Variants in SH3GL2 observed in about 807,000 individuals in gnomAD.
SH3GL2 encodes SH3 domain containing GRB2 like 2, endophilin A1, also known as endophilin-A1.
Under a neutral mutation model 46.0 loss-of-function variants are expected in SH3GL2, and 24 were observed. The observed-to-expected ratio is 0.52, with a 90% confidence interval of 0.38 to 0.73. The LOEUF (loss-of-function observed/expected upper bound fraction) is 0.73, where lower values mean the gene tolerates loss of function less well. SH3GL2 is among the 30% of genes least tolerant of loss of function. SH3GL2 has a pLI of 0.00. For missense variants in SH3GL2, 413 were observed against 424.2 expected, an observed-to-expected ratio of 0.97 and a Z score of 0.23; for synonymous variants, 196 against 147.1, an observed-to-expected ratio of 1.33 and a Z score of -2.40.
intron 1 of SH3GL2, among the ~76,000 whole-genome samples, chr9:17,722,680 A>C (rs891947609): frequency 2.0e-5 from 3 of 152,076 alleles, no homozygotes; most frequent in Non-Finnish European, 4.4e-5. Context: ...CTATTTACCA[A>C]ATAGCTCATC....
At chr9:17,585,243 T>G (rs1423110568) in intron 1 of SH3GL2, among the ~76,000 whole-genome samples, 1 of 151,960 alleles carries the variant, frequency 6.6e-6, no homozygotes, top group Non-Finnish European at 1.5e-5. Flanking sequence ...ATAATGAGAA[T>G]TAGGTGAGGA....
At chr9:17,720,732 G>A (rs1040516684) in intron 1 of SH3GL2, among the ~76,000 whole-genome samples, 3 of 152,102 alleles carry the variant, frequency 2.0e-5, no homozygotes, top group Admixed American at 6.6e-5. Flanking sequence ...GAAAAATGAA[G>A]GACTTACCAC....
At chr9:17,603,972 A>C (rs757109813) in intron 1 of SH3GL2, among the ~76,000 whole-genome samples, 27 of 152,212 alleles carry the variant, frequency 1.8e-4, no homozygotes, top group Non-Finnish European at 3.1e-4. Context: ...TTTTACTACA[A>C]ATAAAAGTTA....
chr9:17,770,559 G>A (rs569727601), intron 3 of SH3GL2, among the ~76,000 whole-genome samples: 1 of 152,170 alleles, frequency 6.6e-6, no homozygotes, highest in East Asian at 1.9e-4. Context: ...TATGGCAAAG[G>A]TAATGGAATC....
At chr9:17,605,338 C>G (rs528925134) in intron 1 of SH3GL2, among the ~76,000 whole-genome samples, 1 of 152,234 alleles carries the variant, frequency 6.6e-6, no homozygotes, top group African/African-American at 2.4e-5. Context: ...GACTCATCCT[C>G]TTCCTGACTG....
chr9:17,690,895 C>G (rs1350799914), intron 1 of SH3GL2, among the ~76,000 whole-genome samples: 2 of 152,144 alleles, frequency 1.3e-5, no homozygotes, highest in African/African-American at 4.8e-5. Flanking sequence ...CTTAGAAGAT[C>G]TTGCCAGAAT....
intron 1 of SH3GL2, among the ~76,000 whole-genome samples, chr9:17,687,512 C>T (rs974208944): frequency 6.3e-5 from 9 of 142,408 alleles, no homozygotes; most frequent in Middle Eastern, 3.6e-3. Flanking sequence ...AAAAAAATTT[C>T]AATTGTAAAT....
chr9:17,728,671 T>G (rs1021905265), intron 1 of SH3GL2, among the ~76,000 whole-genome samples: 4 of 152,082 alleles, frequency 2.6e-5, no homozygotes, highest in Admixed American at 2.0e-4. Context: ...TTCCCCTTCC[T>G]GTGCCCATAT....
intron 1 of SH3GL2, among the ~76,000 whole-genome samples, chr9:17,687,020 ATTGT>A (rs919784163): frequency 1.3e-5 from 2 of 152,004 alleles, no homozygotes; most frequent in African/African-American, 4.8e-5. Context: ...CTACATTTTG[ATTGT>A]TTGTATTTTT....
intron 1 of SH3GL2, among the ~76,000 whole-genome samples, chr9:17,731,421 AAGAG>A (rs200219792): frequency 6.7e-5 from 10 of 149,652 alleles, no homozygotes; most frequent in Non-Finnish European, 1.2e-4. Context: ...GGAGGTAGGG[AAGAG>A]AGAGAGAGAG....
At chr9:17,623,047 C>CTTTCCT (rs1171448028) in intron 1 of SH3GL2, among the ~76,000 whole-genome samples, 1 of 41,922 alleles carries the variant, frequency 2.4e-5, no homozygotes, top group Non-Finnish European at 5.6e-5. Flanking sequence ...TTTCCTTCCC[C>CTTTCCT]TTCCCCTTCC....
At chr9:17,665,592 T>A (rs1396417460) in intron 1 of SH3GL2, among the ~76,000 whole-genome samples, 1 of 152,098 alleles carries the variant, frequency 6.6e-6, no homozygotes, top group Non-Finnish European at 1.5e-5. Context: ...TTTATTCTGA[T>A]GCTCAAATTG....
chr9:17,742,325 G>T (rs1026084916), intron 1 of SH3GL2, among the ~76,000 whole-genome samples: 1 of 152,120 alleles, frequency 6.6e-6, no homozygotes, highest in African/African-American at 2.4e-5. Flanking sequence ...TTGGAAAGCA[G>T]GACAACATCC....
intron 1 of SH3GL2, among the ~76,000 whole-genome samples, chr9:17,588,428 G>T (rs1019086911): frequency 3.3e-5 from 5 of 152,178 alleles, no homozygotes; most frequent in Non-Finnish European, 5.9e-5. Context: ...AATCTCATGA[G>T]CCCTTTAAAA....
chr9:17,696,573 G>A (rs990754080), intron 1 of SH3GL2, among the ~76,000 whole-genome samples: 1 of 152,116 alleles, frequency 6.6e-6, no homozygotes, highest in Non-Finnish European at 1.5e-5. Flanking sequence ...TTCTTCACAG[G>A]GCGGTAGGAA....
At position 17,585,982 on chromosome 9, in the gene SH3GL2, A is replaced by G. The variant is rs933753077; in HGVS notation, c.45+6695A>G. Reference sequence around the variant, plus strand: ...GCCTAAAAGCTTAAGAATGATGTACATGGTATCCGATGGATAATAAAGACT... The same window carrying G: ...GCCTAAAAGCTTAAGAATGATGTACGTGGTATCCGATGGATAATAAAGACT... On this transcript the variant is annotated intron_variant, in intron 1 of 8. Coordinates refer to ENST00000380607, the MANE Select transcript of SH3GL2 (RefSeq NM_003026.5). 4.6e-5 allele frequency among the ~76,000 whole-genome samples: 7 copies of G among 152,326 alleles called. No individual in the cohort carries two copies. The East Asian group carries it at 9.6e-4, about 21-fold the overall frequency.
Position 17,731,820 on chromosome 9 carries a change from A to G in SH3GL2, c.46-15246A>G, listed in dbSNP as rs181428461. ...CTCTCTCCCTCCCTCTCTGATTTGC[A>G]TCGGTGCTGGTCTCTTGGAGGAGCT... On this transcript the variant is annotated intron_variant, in intron 1 of 8. Coordinates refer to ENST00000380607, the MANE Select transcript of SH3GL2 (RefSeq NM_003026.5). Among the ~76,000 whole-genome samples the G allele has an allele frequency of 3.3e-5, 5 of 152,140 alleles. No homozygotes were observed. In the East Asian group the frequency reaches 5.8e-4, roughly 18 times the overall value.
At chr9:17,584,211 A>G (rs947404770) in intron 1 of SH3GL2, among the ~76,000 whole-genome samples, 1 of 152,202 alleles carries the variant, frequency 6.6e-6, no homozygotes, top group Admixed American at 6.5e-5. Context: ...CTCGAAAAGT[A>G]AAAATAGGGT....
chr9:17,794,677 G>A (rs1824229815), intron 8 of SH3GL2, among the ~76,000 whole-genome samples: 1 of 152,164 alleles, frequency 6.6e-6, no homozygotes, highest in South Asian at 2.1e-4. Context: ...ATCTACATGT[G>A]TATGTATGTA....
Sources: gnomAD v4.1 joint callset for allele counts (sites outside exome capture counted in the v4.1 genomes callset) on GRCh38, gnomAD v4.1.1 for gene constraint, MANE v1.5 for transcripts, NCBI Gene and HGNC (gene_info 2026-07-23, HGNC 2026-07-21) for gene names.